The following B3GALT1 variants were observed in gnomAD, a reference collection of about 807,000 sequenced individuals.
B3GALT1 encodes UDP-Gal:betaGlcNAc beta 1,3-galactosyltransferase, polypeptide 1.
In B3GALT1, 10 loss-of-function variants were observed where a neutral mutation model predicts 23.2. That is an observed-to-expected ratio of 0.43 (90% CI 0.27 to 0.73). The LOEUF (loss-of-function observed/expected upper bound fraction) is 0.73. Ranked by LOEUF, B3GALT1 falls within the 30% of genes least tolerant of loss-of-function variation. The pLI is 0.21. For missense variants in B3GALT1, 299 were observed against 405.4 expected (o/e 0.74, Z 2.25); for synonymous variants, 156 against 141.5 (o/e 1.10, Z -0.73).
chr2:167,372,027 AAAT>A (rs1380040754), intron 1 of B3GALT1, among the ~76,000 whole-genome samples: 2 of 151,832 alleles, frequency 1.3e-5, no homozygotes, highest in African/African-American at 4.8e-5. Flanking sequence ...ATACTAAGGA[AAAT>A]AATTTTATAA....
chr2:167,497,817 T>G (rs1006450088), intron 2 of B3GALT1, among the ~76,000 whole-genome samples: 5 of 151,950 alleles, frequency 3.3e-5, no homozygotes, highest in African/African-American at 1.2e-4. Context: ...AGGCCATTGA[T>G]GGAGAGCACA....
chr2:167,403,609 G>A (rs1460883110), intron 1 of B3GALT1, among the ~76,000 whole-genome samples: 2 of 152,082 alleles, frequency 1.3e-5, no homozygotes, highest in African/African-American at 2.4e-5. Context: ...ATAATCTGAT[G>A]ATGGCATGAG....
chr2:167,341,483 G>A (rs1489976853), intron 1 of B3GALT1, among the ~76,000 whole-genome samples: 3 of 152,132 alleles, frequency 2.0e-5, no homozygotes, highest in African/African-American at 4.8e-5. Context: ...CCAATGTGGC[G>A]AAACCCTGTC....
At chr2:167,463,992 C>A (rs771418227) in intron 1 of B3GALT1, among the ~76,000 whole-genome samples, 1 of 152,182 alleles carries the variant, frequency 6.6e-6, no homozygotes, top group African/African-American at 2.4e-5. Context: ...TGGGCTATGT[C>A]ATCCTTTCAG....
At chr2:167,618,720 A>C (rs183691876) in intron 2 of B3GALT1, among the ~76,000 whole-genome samples, 1 of 152,068 alleles carries the variant, frequency 6.6e-6, no homozygotes, top group East Asian at 1.9e-4. Flanking sequence ...GTTGTTTTTG[A>C]AGAATACAGG....
intron 1 of B3GALT1, among the ~76,000 whole-genome samples, chr2:167,410,913 A>C (rs1698380562): frequency 1.3e-5 from 2 of 152,138 alleles, no homozygotes; most frequent in African/African-American, 2.4e-5. Flanking sequence ...CTTAGGTCAT[A>C]AAATGAGGTT....
Position 167,530,401 on chromosome 2 carries a change from C to G in B3GALT1, c.-410+40124C>G, listed in dbSNP as rs746396572. Among the ~76,000 whole-genome samples, 4 of 152,148 alleles carry G rather than the reference C, an allele frequency of 2.6e-5. No homozygotes were observed. The South Asian group carries it at 6.2e-4, about 24-fold the overall frequency. Reference sequence around the variant, plus strand: ...CCTATAACTCCCTTGCTCCTAAGATCAGTGCTTGGCAGCCAGTAGGTGCTC... The same window carrying G: ...CCTATAACTCCCTTGCTCCTAAGATGAGTGCTTGGCAGCCAGTAGGTGCTC... On this transcript the variant is annotated intron_variant, in intron 2 of 4. Coordinates refer to ENST00000392690, the MANE Select transcript of B3GALT1 (RefSeq NM_020981.4).
At chr2:167,470,991 T>C (rs987423279) in intron 1 of B3GALT1, among the ~76,000 whole-genome samples, 1 of 152,162 alleles carries the variant, frequency 6.6e-6, no homozygotes. Context: ...TTGTTATGCT[T>C]TATACAGGTA....
At chr2:167,679,471 C>CT (rs1391801348) in intron 3 of B3GALT1, among the ~76,000 whole-genome samples, 1 of 152,226 alleles carries the variant, frequency 6.6e-6, no homozygotes, top group African/African-American at 2.4e-5. Context: ...TCAGGCTGGC[C>CT]TGGAACTCCT....
At chr2:167,579,523 C>G (rs1684447149) in intron 2 of B3GALT1, among the ~76,000 whole-genome samples, 1 of 147,118 alleles carries the variant, frequency 6.8e-6, no homozygotes, top group Non-Finnish European at 1.5e-5. Flanking sequence ...CTAGCCTGAG[C>G]ATTCTGGACA....
At chr2:167,586,933 G>C in intron 2 of B3GALT1, among the ~76,000 whole-genome samples, 1 of 152,258 alleles carries the variant, frequency 6.6e-6, no homozygotes, top group South Asian at 2.1e-4. Context: ...GTCAGGAAAT[G>C]AAATCATATA....
intron 3 of B3GALT1, among the ~76,000 whole-genome samples, chr2:167,705,566 A>G (rs946796635): frequency 6.6e-6 from 1 of 152,238 alleles, no homozygotes; most frequent in Non-Finnish European, 1.5e-5. Context: ...GGCTAACCTC[A>G]TAAAATAAAA....
chr2:167,869,957 C>T lies in B3GALT1; in HGVS notation c.918C>T (p.Ile306=). Residue 306 remains isoleucine, a synonymous_variant, in exon 5 of 5, where the codon ATC becomes ATT. Coordinates refer to ENST00000392690, the MANE Select transcript of B3GALT1 (RefSeq NM_020981.4). The surrounding 1 kb of genome is among the most constrained non-coding windows in gnomAD (Gnocchi z 6.4). ...RYRRVITVHQ[I]SPEEMHRIWN... ...GCCGAGTTATCACTGTGCATCAGAT[C>T]TCTCCAGAAGAAATGCACAGAATCT... 6.2e-7 allele frequency: 1 copy of T among 1,614,000 alleles called. No individual in the cohort carries two copies. Among genetic ancestry groups the T allele is most frequent in the Non-Finnish European group, 8.5e-7 (1 of 1,179,956 alleles).
intron 1 of B3GALT1, among the ~76,000 whole-genome samples, chr2:167,349,257 T>C (rs982906152): frequency 3.3e-5 from 5 of 152,204 alleles, no homozygotes; most frequent in African/African-American, 9.6e-5. Context: ...TCAATCCTTT[T>C]TGCCTGGTAC....
intron 2 of B3GALT1, among the ~76,000 whole-genome samples, chr2:167,510,097 G>C (rs1699982819): frequency 6.6e-6 from 1 of 152,072 alleles, no homozygotes; most frequent in Non-Finnish European, 1.5e-5. Context: ...ATGAATTATA[G>C]GTCTTACCCA....
chr2:167,621,976 G>A (rs1022116820), intron 2 of B3GALT1, among the ~76,000 whole-genome samples: 1 of 152,000 alleles, frequency 6.6e-6, no homozygotes, highest in African/African-American at 2.4e-5. Context: ...CCCAGTCTTG[G>A]GTTTGTCTTT....
chr2:167,821,084 C>T (rs1689095762), intron 4 of B3GALT1, among the ~76,000 whole-genome samples: 1 of 152,212 alleles, frequency 6.6e-6, no homozygotes, highest in African/African-American at 2.4e-5. Flanking sequence ...TCTATCCTTT[C>T]AGTCAATACT....
At chr2:167,510,039 G>C (rs1699981829) in intron 2 of B3GALT1, among the ~76,000 whole-genome samples, 1 of 152,138 alleles carries the variant, frequency 6.6e-6, no homozygotes, top group African/African-American at 2.4e-5. Flanking sequence ...CTGAGTATTA[G>C]ATGTTGAAAG....
At chr2:167,767,756 T>A (rs868621738) in intron 3 of B3GALT1, among the ~76,000 whole-genome samples, 5 of 152,298 alleles carry the variant, frequency 3.3e-5, no homozygotes, top group African/African-American at 1.2e-4. Context: ...TGTGAAAAAT[T>A]GTTATAACAC....
Sources: allele counts gnomAD v4.1 joint callset (sites outside exome capture counted in the v4.1 genomes callset), GRCh38; gene constraint gnomAD v4.1.1; non-coding constraint Gnocchi (gnomAD v3.1); transcripts MANE v1.5; gene names NCBI Gene and HGNC (gene_info 2026-07-23, HGNC 2026-07-21).